STXBP5L: variants seen among roughly 807,000 people sequenced by gnomAD.
The protein encoded by STXBP5L is syntaxin binding protein 5L, also known as syntaxin-binding protein 5-like.
STXBP5L carries 65 observed loss-of-function variants against 144.5 expected under a neutral mutation model. The observed-to-expected ratio is 0.45, with a 90% CI of 0.37 to 0.55. The LOEUF (loss-of-function observed/expected upper bound fraction) is 0.55, where lower values mean the gene tolerates loss of function less well. Ranked by LOEUF, STXBP5L falls within the 20% of genes least tolerant of loss-of-function variation. STXBP5L has a pLI of 0.00. For synonymous variants in STXBP5L, 505 were observed against 469.6 expected, an observed-to-expected ratio of 1.08 and a Z score of -0.97; for missense variants, 1,298 against 1,405.5, an observed-to-expected ratio of 0.92 and a Z score of 1.22.
chr3:121,086,697 C>G (rs1043414568), intron 5 of STXBP5L, among the ~76,000 whole-genome samples: 2 of 152,100 alleles, frequency 1.3e-5, no homozygotes, highest in Admixed American at 1.3e-4. Context: ...ATTCAAAATC[C>G]TAAATGTTCC....
intron 5 of STXBP5L, among the ~76,000 whole-genome samples, chr3:121,075,277 C>G (rs1157905384): frequency 6.6e-6 from 1 of 152,156 alleles, no homozygotes. Flanking sequence ...TGATCTTTCT[C>G]AATCCTAGGT....
chr3:121,235,822 C>CAG (rs2049458626), intron 12 of STXBP5L, among the ~76,000 whole-genome samples: 1 of 138,204 alleles, frequency 7.2e-6, no homozygotes, highest in Non-Finnish European at 1.6e-5. Flanking sequence ...CCAGAACACA[C>CAG]ACACACACAC....
At chr3:121,276,123 T>C (rs999456865) in intron 18 of STXBP5L, among the ~76,000 whole-genome samples, 8 of 151,796 alleles carry the variant, frequency 5.3e-5, no homozygotes, top group Non-Finnish European at 1.0e-4. Flanking sequence ...AGATTGCATA[T>C]CTTTTAATGA....
At position 121,378,747 on chromosome 3, in the gene STXBP5L, T is replaced by A. The variant is rs746361139; in HGVS notation, c.2208T>A (p.Thr736=). The A allele has an allele frequency of 6.2e-7, 1 of 1,613,688 alleles. No individual in the cohort carries two copies. The highest frequency in any genetic ancestry group is 1.1e-5 in the South Asian group (1 of 91,070). Residue 736 remains threonine, a synonymous_variant, in exon 21 of 27, where the codon ACT becomes ACA. Transcript: ENST00000471454. Reference sequence around the variant, plus strand: ...TAAATGGACACTGCACAAGTCCAACTTCTCAGAGTTGCAGTTCTGGAAAAC... The same window carrying A: ...TAAATGGACACTGCACAAGTCCAACATCTCAGAGTTGCAGTTCTGGAAAAC... ...DHVNGHCTSP[T]SQSCSSGKRL...
intron 26 of STXBP5L, among the ~76,000 whole-genome samples, 167 bp from the exon 27 acceptor site, chr3:121,418,889 T>C (rs2047303278): frequency 6.6e-6 from 1 of 152,210 alleles, no homozygotes; most frequent in African/African-American, 2.4e-5. Context: ...AGCTTGTTTA[T>C]TTTTAAAATC....
chr3:121,128,822 A>G (rs1392881588), intron 7 of STXBP5L, among the ~76,000 whole-genome samples: 1 of 152,118 alleles, frequency 6.6e-6, no homozygotes, highest in African/African-American at 2.4e-5. Context: ...GAAAATCACA[A>G]TATCTCATCA....
intron 19 of STXBP5L, among the ~76,000 whole-genome samples, chr3:121,308,787 A>T (rs994833681): frequency 2.0e-5 from 3 of 152,128 alleles, no homozygotes; most frequent in Admixed American, 6.5e-5. Flanking sequence ...AAATAAAATT[A>T]TATAAAGTAG....
At chr3:121,345,782 T>G (rs1460347706) in intron 20 of STXBP5L, among the ~76,000 whole-genome samples, 1 of 152,144 alleles carries the variant, frequency 6.6e-6, no homozygotes, top group Non-Finnish European at 1.5e-5. Context: ...TTTTCTCATG[T>G]GTCTGTTGGC....
chr3:120,975,116 C>T (rs1400674100), intron 3 of STXBP5L, among the ~76,000 whole-genome samples: 1 of 152,186 alleles, frequency 6.6e-6, no homozygotes, highest in Non-Finnish European at 1.5e-5. Context: ...GGCATTGAAT[C>T]TATAAATTAC....
At chr3:121,337,780 A>G (rs1393509915) in intron 20 of STXBP5L, among the ~76,000 whole-genome samples, 1 of 152,146 alleles carries the variant, frequency 6.6e-6, no homozygotes, top group African/African-American at 2.4e-5. Context: ...CACATGGAAC[A>G]TTCTCCAAAA....
At chr3:120,977,835 T>A (rs1210828609) in intron 3 of STXBP5L, among the ~76,000 whole-genome samples, 2 of 152,230 alleles carry the variant, frequency 1.3e-5, no homozygotes, top group Non-Finnish European at 2.9e-5. Context: ...AAATTCTGGG[T>A]TGAAAATTCT....
chr3:120,957,878 A>G (rs1464090198), intron 3 of STXBP5L, among the ~76,000 whole-genome samples: 1 of 152,182 alleles, frequency 6.6e-6, no homozygotes, highest in Non-Finnish European at 1.5e-5. Context: ...TACATTCAAA[A>G]GCTAGCAGAG....
intron 22 of STXBP5L, among the ~76,000 whole-genome samples, chr3:121,403,586 A>C (rs1354123021): frequency 2.0e-5 from 3 of 152,160 alleles, no homozygotes; most frequent in Non-Finnish European, 2.9e-5. Context: ...GCAATATAGT[A>C]GTGAATAAAA....
chr3:121,115,587 A>G lies in STXBP5L; in HGVS notation c.605+528A>G, dbSNP rs111737852. Among the ~76,000 whole-genome samples, 382 of 152,278 alleles carry G rather than the reference A, an allele frequency of 2.5e-3. 2 individuals carry two copies. Among genetic ancestry groups the G allele is most frequent in the African/African-American group, 8.6e-3 (359 of 41,564 alleles). ...AGTTTCTGTACATGTGAAATGTGAA[A>G]TTCTCCAAATATCAAACTCTGTGGA... is the stretch of plus-strand genomic sequence containing the variant. On this transcript the variant is annotated intron_variant, in intron 6 of 26. Coordinates refer to ENST00000471454, the MANE Select transcript of STXBP5L (RefSeq NM_001308330.2).
intron 5 of STXBP5L, among the ~76,000 whole-genome samples, chr3:121,050,961 A>G (rs1285886768): frequency 1.3e-5 from 2 of 152,178 alleles, no homozygotes; most frequent in Admixed American, 1.3e-4. Context: ...CAGACTTTAA[A>G]CCAACAAAGA....
chr3:121,338,721 G>A (rs1274105859), intron 20 of STXBP5L, among the ~76,000 whole-genome samples: 3 of 151,676 alleles, frequency 2.0e-5, no homozygotes, highest in Non-Finnish European at 4.4e-5. Flanking sequence ...AGGCATTACA[G>A]CTGATACCAC....
chr3:121,254,832 G>C (rs1043956353), intron 15 of STXBP5L, 63 bp from the exon 16 acceptor site: 2 of 1,354,506 alleles, frequency 1.5e-6, no homozygotes, highest in Admixed American at 5.3e-5. Flanking sequence ...TATTGGAAAA[G>C]CTTTAATAAC....
rs1947448484 is a variant in STXBP5L, at chr3:121,045,443, G to T, written c.378G>T (p.Leu126Phe). The T allele has an allele frequency of 6.2e-7, 1 of 1,609,200 alleles. No individual in the cohort carries two copies. Among genetic ancestry groups the T allele is most frequent in the African/African-American group, 1.3e-5 (1 of 74,656 alleles). The change falls in exon 5 of 27, where the codon TTG (leucine) becomes TTT (phenylalanine). Residue 126 changes from leucine to phenylalanine, a missense_variant. By Grantham distance (22) the Leu-to-Phe change is conservative. Coordinates refer to ENST00000471454, the MANE Select transcript of STXBP5L (RefSeq NM_001308330.2). ...TCTTCTTTTTGTTCTAGGGTGCCTT[G>T]GTCAGTGCAAGTTCAGATGATACAC... Reference protein sequence around the residue: ...QLQFLINEGALVSASSDDTLH... With the variant: ...QLQFLINEGAFVSASSDDTLH...
chr3:121,185,716 C>T (rs1191300), intron 9 of STXBP5L, among the ~76,000 whole-genome samples: 116,763 of 152,092 alleles, frequency 0.77, 44,939 homozygotes, highest in East Asian at 0.93. Context: ...TAGCATAGTT[C>T]AAAGTCAGGT....
Sources: gnomAD v4.1 joint callset for allele counts (sites outside exome capture counted in the v4.1 genomes callset) on GRCh38, gnomAD v4.1.1 for gene constraint, MANE v1.5 for transcripts, NCBI Gene and HGNC (gene_info 2026-07-23, HGNC 2026-07-21) for gene names.